Variants in EYA2 observed in about 807,000 individuals in gnomAD.
EYA2 encodes EYA transcriptional coactivator and phosphatase 2.
In EYA2, 31 loss-of-function variants were observed where a neutral mutation model predicts 69.2. The ratio of observed to expected loss-of-function variants is 0.45; its 90% confidence interval spans 0.34 to 0.60. The LOEUF (loss-of-function observed/expected upper bound fraction) is 0.60. Ranked by LOEUF, EYA2 falls within the 20% of genes least tolerant of loss-of-function variation. The pLI, the probability that EYA2 is intolerant of heterozygous loss-of-function variation, is 0.02. For missense variants in EYA2, 622 were observed against 701.2 expected (o/e 0.89, Z 1.28); for synonymous variants, 257 against 279.4 (o/e 0.92, Z 0.80).
At chr20:47,056,426 T>C (rs1274565107) in intron 5 of EYA2, among the ~76,000 whole-genome samples, 1 of 152,114 alleles carries the variant, frequency 6.6e-6, no homozygotes, top group Non-Finnish European at 1.5e-5. Flanking sequence ...AAATGACAAA[T>C]TGGTGAAATG....
intron 5 of EYA2, among the ~76,000 whole-genome samples, chr20:47,036,982 G>C (rs1984754834): frequency 6.6e-6 from 1 of 152,192 alleles, no homozygotes; most frequent in African/African-American, 2.4e-5. Context: ...ATGTATAAAG[G>C]AAAGAGTTTT....
intron 8 of EYA2, among the ~76,000 whole-genome samples, chr20:47,093,456 C>T (rs2032148310): frequency 6.6e-6 from 1 of 152,260 alleles, no homozygotes; most frequent in Non-Finnish European, 1.5e-5. Flanking sequence ...ACATTGTCCA[C>T]CTTTATCTCG....
At chr20:47,160,427 T>C (rs1267666890) in intron 10 of EYA2, among the ~76,000 whole-genome samples, 2 of 152,146 alleles carry the variant, frequency 1.3e-5, no homozygotes, top group African/African-American at 4.8e-5. Flanking sequence ...ATTTGGCCCC[T>C]GGGTTATAGC....
chr20:47,026,798 T>C (rs1409597467), intron 5 of EYA2, among the ~76,000 whole-genome samples: 1 of 152,224 alleles, frequency 6.6e-6, no homozygotes, highest in Non-Finnish European at 1.5e-5. Flanking sequence ...GTTACTTGGC[T>C]TCAGCCCATT....
Position 47,184,340 on chromosome 20 carries a change from G to A in EYA2, c.1536+949G>A, listed in dbSNP as rs114691326. Among the ~76,000 whole-genome samples, 1,105 of 151,504 alleles carry A rather than the reference G, an allele frequency of 7.3e-3. 17 individuals carry two copies. The highest frequency in any genetic ancestry group is 0.025 in the African/African-American group (1,034 of 41,246). On this transcript the variant is annotated intron_variant, in intron 15 of 15. Transcript: ENST00000327619. ...ACCTAACCCCATGCCCTTCACCACC[G>A]TAACTTTATTGCTAACATCATCATT...
At chr20:47,137,650 A>G (rs187352462) in intron 9 of EYA2, among the ~76,000 whole-genome samples, 2 of 152,360 alleles carry the variant, frequency 1.3e-5, no homozygotes, top group African/African-American at 4.8e-5. Context: ...TGCATTCAGC[A>G]GGCAGCCCAG....
chr20:46,967,145 C>T, intron 1 of EYA2, among the ~76,000 whole-genome samples: 1 of 152,182 alleles, frequency 6.6e-6, no homozygotes, highest in Non-Finnish European at 1.5e-5. Flanking sequence ...AGGCACACAC[C>T]ACCACATCCA....
intron 9 of EYA2, among the ~76,000 whole-genome samples, chr20:47,118,705 C>T (rs1272354158): frequency 6.6e-6 from 1 of 152,094 alleles, no homozygotes; most frequent in Admixed American, 6.6e-5. Context: ...TCTTTGAAGC[C>T]CTGTGCTCTC....
At chr20:47,059,530 T>C (rs1051629612) in intron 5 of EYA2, among the ~76,000 whole-genome samples, 5 of 152,170 alleles carry the variant, frequency 3.3e-5, no homozygotes, top group African/African-American at 1.2e-4. Flanking sequence ...TTTGTATTTT[T>C]AGTAGAGACG....
intron 2 of EYA2, among the ~76,000 whole-genome samples, chr20:46,995,666 T>TG (rs1331061043): frequency 6.6e-6 from 1 of 152,222 alleles, no homozygotes; most frequent in Non-Finnish European, 1.5e-5. Context: ...CTCATCTCAC[T>TG]GGGGGATCCC....
intron 10 of EYA2, among the ~76,000 whole-genome samples, chr20:47,159,300 G>C (rs1219724343): frequency 6.6e-6 from 1 of 151,904 alleles, no homozygotes; most frequent in Non-Finnish European, 1.5e-5. Context: ...CCCCATCTGT[G>C]ACCTTCCCAA....
At chr20:46,978,785 C>T (rs764923801) in intron 1 of EYA2, 75 of 488,942 alleles carry the variant, frequency 1.5e-4, no homozygotes, top group Admixed American at 2.7e-4. Flanking sequence ...GGGCGATGGC[C>T]ATGGAGGTGA....
intron 12 of EYA2, among the ~76,000 whole-genome samples, chr20:47,175,270 G>C (rs1333876176): frequency 6.6e-6 from 1 of 152,218 alleles, no homozygotes; most frequent in East Asian, 1.9e-4. Flanking sequence ...TGTTTTAGAA[G>C]GTACACTCGG....
At chr20:46,989,365 A>G (rs1399770830) in intron 1 of EYA2, among the ~76,000 whole-genome samples, 2 of 152,162 alleles carry the variant, frequency 1.3e-5, no homozygotes, top group Non-Finnish European at 2.9e-5. Flanking sequence ...TCCCGGGTTC[A>G]AGCGATTCTC....
At chr20:47,075,350 T>G (rs2031476693) in intron 7 of EYA2, among the ~76,000 whole-genome samples, 1 of 152,088 alleles carries the variant, frequency 6.6e-6, no homozygotes, top group Admixed American at 6.5e-5. Context: ...AGAGGCATAA[T>G]CCTCACAAAA....
intron 5 of EYA2, among the ~76,000 whole-genome samples, chr20:47,028,515 A>T (rs1241432385): frequency 1.3e-5 from 2 of 152,208 alleles, no homozygotes; most frequent in Admixed American, 6.5e-5. Flanking sequence ...TGGTGCCTTC[A>T]TATAGCCGTC....
intron 5 of EYA2, among the ~76,000 whole-genome samples, chr20:47,027,233 C>T (rs370571611): frequency 5.6e-4 from 85 of 152,350 alleles, no homozygotes; most frequent in African/African-American, 1.7e-3. Context: ...TATTTCTCTC[C>T]GGTGATGGCA....
chr20:47,045,087 A>G (rs2029964020), intron 5 of EYA2, among the ~76,000 whole-genome samples: 1 of 152,328 alleles, frequency 6.6e-6, no homozygotes, highest in Non-Finnish European at 1.5e-5. Context: ...CAGTGGCTTA[A>G]AACAGCAATA....
chr20:46,949,595 G>C lies in EYA2; in HGVS notation c.-10-40406G>C, dbSNP rs145272938. Among the ~76,000 whole-genome samples, 193 of 152,288 alleles carry C rather than the reference G, an allele frequency of 1.3e-3. 1 individual carries two copies. Among genetic ancestry groups the C allele is most frequent in the African/African-American group, 4.1e-3 (170 of 41,550 alleles). ...CTTGTTTTGTTCTTCTCCACGTTTT[G>C]GGTTTAACCTCAGCCTGCACATGGA... On this transcript the variant is annotated intron_variant, in intron 1 of 15. Coordinates refer to ENST00000327619, the MANE Select transcript of EYA2 (RefSeq NM_005244.5).
Sources: gnomAD v4.1 joint callset for allele counts (sites outside exome capture counted in the v4.1 genomes callset) on GRCh38, gnomAD v4.1.1 for gene constraint, MANE v1.5 for transcripts, NCBI Gene and HGNC (gene_info 2026-07-23, HGNC 2026-07-21) for gene names.